The following SLC13A1 variants were observed in gnomAD, a reference collection of about 807,000 sequenced individuals.
The protein encoded by SLC13A1 is solute carrier family 13 member 1.
In SLC13A1, 65 loss-of-function variants were observed where a neutral mutation model predicts 70.0. That is an observed-to-expected ratio of 0.93 (90% confidence interval 0.76 to 1.14). SLC13A1 has a LOEUF of 1.14. Among genes scored for constraint, SLC13A1 ranks in the 50% most tolerant of loss-of-function variants. SLC13A1 has a pLI of 0.00. For missense variants in SLC13A1, 726 were observed against 717.8 expected (o/e 1.01, Z -0.13); for synonymous variants, 275 against 250.5 (o/e 1.10, Z -0.92).
intron 7 of SLC13A1, among the ~76,000 whole-genome samples, chr7:123,135,980 G>A (rs570736893): frequency 1.3e-5 from 2 of 152,260 alleles, no homozygotes; most frequent in South Asian, 4.1e-4. Context: ...AAAAATGTTT[G>A]TTGTCTCCAA....
chr7:123,173,470 C>T (rs1795340442), intron 2 of SLC13A1, among the ~76,000 whole-genome samples: 1 of 151,848 alleles, frequency 6.6e-6, no homozygotes, highest in Admixed American at 6.6e-5. Flanking sequence ...CCATATGCAC[C>T]AAAAATATTA....
chr7:123,142,958 G>C (rs954845559), intron 7 of SLC13A1, among the ~76,000 whole-genome samples: 1 of 151,940 alleles, frequency 6.6e-6, no homozygotes, highest in African/African-American at 2.4e-5. Context: ...AACCTCCCAG[G>C]CTTGGTCTTT....
intron 10 of SLC13A1, among the ~76,000 whole-genome samples, chr7:123,128,322 C>G (rs1481204259): frequency 1.3e-5 from 2 of 152,082 alleles, no homozygotes; most frequent in Non-Finnish European, 1.5e-5. Flanking sequence ...TATTAAGAGG[C>G]ATTGAGTGGT....
intron 1 of SLC13A1, among the ~76,000 whole-genome samples, chr7:123,184,687 G>A (rs1260523936): frequency 6.6e-6 from 1 of 151,986 alleles, no homozygotes; most frequent in East Asian, 1.9e-4. Context: ...GTGTGTGTGT[G>A]TATACATACC....
At chr7:123,121,081 T>C (rs778537233) in intron 12 of SLC13A1, among the ~76,000 whole-genome samples, 3 of 152,100 alleles carry the variant, frequency 2.0e-5, no homozygotes, top group African/African-American at 4.8e-5. Flanking sequence ...TAGTTGACTG[T>C]TGAACATTTT....
At chr7:123,136,352 A>G (rs893752124) in intron 7 of SLC13A1, among the ~76,000 whole-genome samples, 13 of 152,212 alleles carry the variant, frequency 8.5e-5, no homozygotes, top group African/African-American at 3.1e-4. Flanking sequence ...AAACAACCAC[A>G]TGGGACTATG....
At chr7:123,177,611 A>G (rs1463725481) in intron 2 of SLC13A1, among the ~76,000 whole-genome samples, 4 of 152,130 alleles carry the variant, frequency 2.6e-5, no homozygotes, top group Non-Finnish European at 5.9e-5. Context: ...CACTGCAGAT[A>G]TACCTGCAAT....
intron 1 of SLC13A1, among the ~76,000 whole-genome samples, chr7:123,192,093 C>A (rs1314486667): frequency 6.6e-6 from 1 of 152,130 alleles, no homozygotes. Context: ...TATTTTGACT[C>A]CTGCCCCAGT....
Position 123,129,367 on chromosome 7 carries a change from TGTGTG to T in SLC13A1, c.1031+11_1031+15del. On this transcript the variant is annotated intron_variant, in intron 9 of 14. Coordinates refer to ENST00000194130, the MANE Select transcript of SLC13A1 (RefSeq NM_022444.4). Reference sequence around the variant, plus strand: ...GTGTGTGTGTGTGTGTGTGTGTGTGTGTGTGTTTGTCTTACCTTATTGGCCCAAGC... The same window carrying T: ...GTGTGTGTGTGTGTGTGTGTGTGTGTTTTGTCTTACCTTATTGGCCCAAGC... The T allele has an allele frequency of 2.5e-6, 3 of 1,200,834 alleles. No homozygotes were observed. The highest frequency in any genetic ancestry group is 1.6e-5 in the African/African-American group (1 of 62,024). 74.4% of individuals were successfully genotyped at this position (1,200,834 alleles called of 1,614,324 possible).
intron 6 of SLC13A1, among the ~76,000 whole-genome samples, chr7:123,167,980 A>G (rs946571312): frequency 1.3e-5 from 2 of 152,134 alleles, no homozygotes; most frequent in Non-Finnish European, 2.9e-5. Flanking sequence ...TAATCTATAT[A>G]TCAAACCCCC....
intron 13 of SLC13A1, among the ~76,000 whole-genome samples, 199 bp from the exon 14 acceptor site, chr7:123,117,807 T>A (rs1239547743): frequency 6.6e-6 from 1 of 152,014 alleles, no homozygotes; most frequent in Non-Finnish European, 1.5e-5. Context: ...CAGTTACAGA[T>A]GCCCACTTAA....
chr7:123,181,195 AC>A, intron 1 of SLC13A1, 94 bp from the exon 2 acceptor site: 2 of 1,340,534 alleles, frequency 1.5e-6, no homozygotes, highest in Non-Finnish European at 2.0e-6. Context: ...GAGCCATGTC[AC>A]AGAGAACGTA....
At chr7:123,128,996 T>C in intron 9 of SLC13A1, 50 bp from the exon 10 acceptor site, 1 of 1,264,706 alleles carries the variant, frequency 7.9e-7, no homozygotes, top group East Asian at 2.4e-5. Flanking sequence ...AGTCGGGACA[T>C]TTGTAGAAAC....
chr7:123,191,941 GTTCT>G (rs1351965099), intron 1 of SLC13A1, among the ~76,000 whole-genome samples: 1 of 152,100 alleles, frequency 6.6e-6, no homozygotes, highest in Non-Finnish European at 1.5e-5. Flanking sequence ...TCTTCTTTCT[GTTCT>G]TTCTAATATT....
chr7:123,130,328 T>A (rs533078467), intron 8 of SLC13A1, among the ~76,000 whole-genome samples: 373 of 152,260 alleles, frequency 2.4e-3, no homozygotes, highest in Non-Finnish European at 4.4e-3. Flanking sequence ...TTCCCATCAA[T>A]GATAGACTGG....
intron 8 of SLC13A1, among the ~76,000 whole-genome samples, chr7:123,131,509 C>T (rs988155049): frequency 1.3e-5 from 2 of 152,198 alleles, no homozygotes; most frequent in African/African-American, 2.4e-5. Context: ...TATGACAATG[C>T]ATCAAACTCT....
At chr7:123,146,075 T>C (rs1456638142) in intron 7 of SLC13A1, among the ~76,000 whole-genome samples, 1 of 152,314 alleles carries the variant, frequency 6.6e-6, no homozygotes, top group East Asian at 1.9e-4. Context: ...TATGACACCA[T>C]GGACTTTCAT....
intron 2 of SLC13A1, among the ~76,000 whole-genome samples, chr7:123,176,290 T>A (rs1795444185): frequency 6.6e-6 from 1 of 152,316 alleles, no homozygotes; most frequent in East Asian, 1.9e-4. Flanking sequence ...GGCAGATGTG[T>A]TTGTTTATGG....
Position 123,129,430 on chromosome 7 carries a change from A to C in SLC13A1, c.984T>G (p.Ala328=), listed in dbSNP as rs773415551. The change falls in exon 9 of 15, where the codon GCT becomes GCG. Residue 328 remains alanine (A), a synonymous_variant. Transcript: ENST00000194130. ...ATTCTTGCTTAATCACCTCAGCACA[A>C]GCTTTTTGTTGGACTGTTTTGGTTT... ...CGKTKTVQQK[A]CAEVIKQEYQ... 2.6e-5 allele frequency: 42 copies of C among 1,609,990 alleles called. No individual in the cohort carries two copies. Among genetic ancestry groups the C allele is most frequent in the Non-Finnish European group, 3.6e-5 (42 of 1,178,836 alleles).
Sources: gnomAD v4.1 joint callset for allele counts (sites outside exome capture counted in the v4.1 genomes callset) on GRCh38, gnomAD v4.1.1 for gene constraint, MANE v1.5 for transcripts, NCBI Gene and HGNC (gene_info 2026-07-23, HGNC 2026-07-21) for gene names.